The following ETF1 variants were observed in gnomAD, a reference collection of about 807,000 sequenced individuals.
ETF1 encodes eukaryotic translation termination factor 1.
ETF1 carries 4 observed loss-of-function variants against 55.1 expected under a neutral mutation model. The ratio of observed to expected loss-of-function variants is 0.07; its 90% CI spans 0.04 to 0.17. The LOEUF (loss-of-function observed/expected upper bound fraction) is 0.17. Ranked by LOEUF, ETF1 falls within the 10% of genes least tolerant of loss-of-function variation. The probability of loss-of-function intolerance (pLI) is 1.00; values close to 1 mark genes in which losing one functional copy is unlikely to be tolerated. For synonymous variants in ETF1, 157 were observed against 182.3 expected (o/e 0.86, Z 1.12); for missense variants, 142 against 523.6 (o/e 0.27, Z 7.11).
At chr5:138,517,530 C>T (rs150962372) in intron 4 of ETF1, 31 bp downstream of exon 4, 18 of 1,410,236 alleles carry the variant, frequency 1.3e-5, no homozygotes, top group African/African-American at 5.7e-5. Context: ...AATTCTGGAG[C>T]GATGAAAATG....
chr5:138,542,630 T>C (rs1766230857), intron 2 of ETF1: 7 of 1,425,604 alleles, frequency 4.9e-6, no homozygotes, highest in South Asian at 1.5e-5. Context: ...CGCGGGCCCC[T>C]TACCCCCATG....
chr5:138,514,192 T>C (rs1460417338), intron 4 of ETF1: 1 of 152,274 alleles, frequency 6.6e-6, no homozygotes, highest in Non-Finnish European at 1.5e-5. Flanking sequence ...CAAATGGTGG[T>C]TGCCAGGGGC....
chr5:138,516,614 C>G (rs540046746), intron 4 of ETF1, among the ~76,000 whole-genome samples: 7 of 152,340 alleles, frequency 4.6e-5, no homozygotes, highest in African/African-American at 1.4e-4. Flanking sequence ...GCACTCTAGC[C>G]TGGGCGACAG....
chr5:138,534,416 A>C (rs1366022258), intron 2 of ETF1, among the ~76,000 whole-genome samples: 1 of 152,260 alleles, frequency 6.6e-6, no homozygotes, highest in Non-Finnish European at 1.5e-5. Context: ...GCAAAGCAAG[A>C]GACTGCAATC....
chr5:138,515,558 CT>C (rs1764983321), intron 4 of ETF1, among the ~76,000 whole-genome samples: 1 of 152,178 alleles, frequency 6.6e-6, no homozygotes, highest in Admixed American at 6.5e-5. Context: ...AGGCATATCC[CT>C]TATTAGAATA....
intron 2 of ETF1, among the ~76,000 whole-genome samples, chr5:138,532,204 G>C (rs1765730993): frequency 6.6e-6 from 1 of 151,974 alleles, no homozygotes; most frequent in East Asian, 1.9e-4. Context: ...TTTATTCACT[G>C]TGTGTTTTCC....
intron 2 of ETF1, among the ~76,000 whole-genome samples, chr5:138,521,517 A>G (rs1263076599): frequency 6.6e-6 from 1 of 152,112 alleles, no homozygotes; most frequent in Non-Finnish European, 1.5e-5. Context: ...TACTTAGTCC[A>G]TTTATAACTT....
Position 138,511,468 on chromosome 5 carries a change from C to T in ETF1, c.862+7G>A. 1.2e-6 allele frequency: 2 copies of T among 1,613,094 alleles called. No homozygotes were observed. The highest frequency in any genetic ancestry group is 1.7e-6 in the Non-Finnish European group (2 of 1,179,662). On this transcript the variant is annotated splice_region_variant and intron_variant, in intron 7 of 10. Coordinates refer to ENST00000360541, the MANE Select transcript of ETF1 (RefSeq NM_004730.4). ...TCACAGAATAAGTAGTTGCATTTCA[C>T]CGATACCTATTAATTTCTTCTCTTG... is the stretch of plus-strand genomic sequence containing the variant.
chr5:138,538,337 A>C (rs1017008624), intron 2 of ETF1, among the ~76,000 whole-genome samples: 1 of 151,588 alleles, frequency 6.6e-6, no homozygotes, highest in Non-Finnish European at 1.5e-5. Context: ...TTACAGGTGC[A>C]AGCCACCACA....
At chr5:138,533,000 C>T (rs967942615) in intron 2 of ETF1, among the ~76,000 whole-genome samples, 3 of 151,450 alleles carry the variant, frequency 2.0e-5, no homozygotes, top group African/African-American at 4.9e-5. Context: ...AGTACAGTGG[C>T]GCCATTTCGA....
At position 138,512,257 on chromosome 5, in the gene ETF1, TA is replaced by T. The variant is rs1469427163; in HGVS notation, c.732+506del. Reference sequence around the variant, plus strand: ...ATATATATATATATATATATATATATATTTTTTTTTTTTTTTAAAGGCAATT... The same window carrying T: ...ATATATATATATATATATATATATATTTTTTTTTTTTTTTTAAAGGCAATT... On this transcript the variant is annotated intron_variant, in intron 6 of 10. Transcript: ENST00000360541. 5.0e-3 allele frequency among the ~76,000 whole-genome samples: 82 copies of T among 16,452 alleles called. 1 individual carries two copies. Among genetic ancestry groups the T allele is most frequent in the African/African-American group, 0.016 (60 of 3,806 alleles). 10.8% of individuals were successfully genotyped at this position (16,452 alleles called of 152,430 possible).
intron 2 of ETF1, among the ~76,000 whole-genome samples, chr5:138,528,667 C>T (rs1469537182): frequency 6.6e-6 from 1 of 152,136 alleles, no homozygotes; most frequent in Non-Finnish European, 1.5e-5. Context: ...AATTACCTTT[C>T]ACTAGTTTCC....
chr5:138,512,261 T>TTTATATATATATATA (rs1764849583), intron 6 of ETF1, among the ~76,000 whole-genome samples: 4 of 17,310 alleles, frequency 2.3e-4, no homozygotes, highest in African/African-American at 8.5e-4. Flanking sequence ...TATATATATT[T>TTTATATATATATATA]TTTTTTTTTT....
chr5:138,524,178 G>A (rs1765357681), intron 2 of ETF1, among the ~76,000 whole-genome samples: 2 of 148,258 alleles, frequency 1.3e-5, no homozygotes, highest in Admixed American at 6.8e-5. Context: ...GTGACAGAGT[G>A]AGACTCTGTC....
Position 138,522,742 on chromosome 5 carries a change from C to T in ETF1, c.87-3875G>A, listed in dbSNP as rs552113044. On this transcript the variant is annotated intron_variant, in intron 2 of 10. Transcript: ENST00000360541. Reference sequence around the variant, plus strand: ...ACTACATTGGCCAGGTGTGGTGGCTCATGCCTGTAATCCCAGCATTTTGGG... The same window carrying T: ...ACTACATTGGCCAGGTGTGGTGGCTTATGCCTGTAATCCCAGCATTTTGGG... Among the ~76,000 whole-genome samples, 48 of 152,342 alleles carry T rather than the reference C, an allele frequency of 3.2e-4. 1 individual carries two copies. Among genetic ancestry groups the T allele is most frequent in the Middle Eastern group, 6.8e-3 (2 of 294 alleles).
At chr5:138,519,161 T>C (rs1765134647) in intron 2 of ETF1, 3 of 984,722 alleles carry the variant, frequency 3.0e-6, no homozygotes, top group Non-Finnish European at 3.6e-6. Context: ...AAGCTATCTA[T>C]GATAAATAAG....
At chr5:138,536,450 C>A (rs1197032204) in intron 2 of ETF1, among the ~76,000 whole-genome samples, 1 of 152,228 alleles carries the variant, frequency 6.6e-6, no homozygotes, top group African/African-American at 2.4e-5. Flanking sequence ...CTTCATCATA[C>A]TCTCTGAGGA....
chr5:138,534,041 T>G (rs1232632439), intron 2 of ETF1, among the ~76,000 whole-genome samples: 1 of 152,104 alleles, frequency 6.6e-6, no homozygotes, highest in East Asian at 1.9e-4. Context: ...TACCTGAAAT[T>G]AGTTTATGCA....
At chr5:138,513,125 C>G (rs1764880775) in intron 5 of ETF1, 171 bp from the exon 6 acceptor site, 1 of 985,230 alleles carries the variant, frequency 1.0e-6, no homozygotes, top group Non-Finnish European at 1.2e-6. Flanking sequence ...AGAGCGACTA[C>G]TAAGTCTATG....
Sources: allele counts gnomAD v4.1 joint callset (sites outside exome capture counted in the v4.1 genomes callset), GRCh38; gene constraint gnomAD v4.1.1; transcripts MANE v1.5; gene names NCBI Gene and HGNC (gene_info 2026-07-23, HGNC 2026-07-21).